TUSC3: variants seen among roughly 807,000 people sequenced by gnomAD.
The protein encoded by TUSC3 is dolichyl-diphosphooligosaccharide--protein glycosyltransferase subunit TUSC3.
A neutral mutation model predicts 44.8 loss-of-function variants in TUSC3; 45 were observed. That is an observed-to-expected ratio of 1.00 (90% CI 0.79 to 1.29). The LOEUF (loss-of-function observed/expected upper bound fraction) is 1.29, where lower values mean the gene tolerates loss of function less well. TUSC3 is among the 50% of genes most tolerant of loss of function. The pLI is 0.00. For missense variants in TUSC3, 519 were observed against 437.9 expected (o/e 1.19, Z -1.65); for synonymous variants, 212 against 152.9 (o/e 1.39, Z -2.85).
chr8:15,844,691 G>A, the TUSC3 span, among the ~76,000 whole-genome samples: 1 of 152,188 alleles, frequency 6.6e-6, no homozygotes, highest in African/African-American at 2.4e-5. Context: ...TCCTAGGACA[G>A]TCATTCTTTA....
At chr8:15,425,741 A>G (rs139870944) in intron 1 of TUSC3, among the ~76,000 whole-genome samples, 1,641 of 152,362 alleles carry the variant, frequency 0.011, 25 homozygotes, top group South Asian at 0.017. Flanking sequence ...TCATGGCTAG[A>G]AATTTCTGCA....
chr8:15,570,950 A>AGTTTTTTTTTTTTT (rs1802849243), intron 1 of TUSC3, among the ~76,000 whole-genome samples: 1 of 30,168 alleles, frequency 3.3e-5, no homozygotes, highest in Non-Finnish European at 1.2e-4. Context: ...TCCATTGCCT[A>AGTTTTTTTTTTTTT]TTAGTTTTTT....
intron 1 of TUSC3, among the ~76,000 whole-genome samples, chr8:15,457,361 A>G (rs1415369551): frequency 6.6e-6 from 1 of 151,868 alleles, no homozygotes; most frequent in Non-Finnish European, 1.5e-5. Context: ...ATAGAAAAGT[A>G]GACTTTTCTG....
chr8:15,458,405 ATTG>A lies in TUSC3; in HGVS notation n.92-24976_92-24974del, dbSNP rs561745823. ...AGGAGCATGCTACCACACTTGGATA[ATTG>A]TTGTACTTTTTGTAGAGATGAGGTT... On this transcript the variant is annotated intron_variant and non_coding_transcript_variant, in intron 1 of 5. Coordinates refer to the TUSC3 transcript ENST00000503191. Among the ~76,000 whole-genome samples the A allele has an allele frequency of 6.7e-3, 1,017 of 152,118 alleles. 10 individuals carry two copies. Among genetic ancestry groups the A allele is most frequent in the South Asian group, 0.034 (166 of 4,824 alleles).
intron 6 of TUSC3, among the ~76,000 whole-genome samples, chr8:15,710,911 A>G (rs559007916): frequency 6.7e-6 from 1 of 149,988 alleles, no homozygotes; most frequent in East Asian, 2.0e-4. Flanking sequence ...AACCAGCACC[A>G]AATCAAGAAG....
intron 1 of TUSC3, among the ~76,000 whole-genome samples, chr8:15,467,153 T>A (rs1800425045): frequency 4.6e-5 from 7 of 151,964 alleles, no homozygotes; most frequent in Admixed American, 4.6e-4. Flanking sequence ...AAACCTGTGA[T>A]TAAAAGACAA....
intron 3 of TUSC3, among the ~76,000 whole-genome samples, chr8:15,656,553 T>C (rs1480637143): frequency 6.6e-6 from 1 of 152,182 alleles, no homozygotes; most frequent in Admixed American, 6.5e-5. Flanking sequence ...CTGGGCACAC[T>C]GGGGCAAAGG....
chr8:15,500,712 A>C (rs1309635213), intron 2 of TUSC3, among the ~76,000 whole-genome samples: 3 of 152,250 alleles, frequency 2.0e-5, no homozygotes, highest in Non-Finnish European at 4.4e-5. Context: ...TTATTAATCT[A>C]CAAAGAGAAA....
intron 7 of TUSC3, among the ~76,000 whole-genome samples, chr8:15,736,588 CTT>C (rs773207467): frequency 7.2e-5 from 11 of 152,214 alleles, no homozygotes; most frequent in African/African-American, 2.6e-4. Flanking sequence ...ACTAAATACA[CTT>C]ATAAATATGG....
At chr8:15,615,045 G>C (rs781495610) in intron 1 of TUSC3, among the ~76,000 whole-genome samples, 15 of 151,470 alleles carry the variant, frequency 9.9e-5, no homozygotes, top group Admixed American at 3.3e-4. Context: ...ATGGAAAACA[G>C]TATAGAGATT....
the TUSC3 span, among the ~76,000 whole-genome samples, chr8:15,774,577 C>T: frequency 1.3e-5 from 2 of 152,112 alleles, no homozygotes; most frequent in African/African-American, 4.8e-5. Context: ...TTTTAGTCTC[C>T]AGAACATTAA....
intron 1 of TUSC3, among the ~76,000 whole-genome samples, chr8:15,476,081 G>A (rs1585058577): frequency 1.3e-5 from 2 of 152,058 alleles, no homozygotes; most frequent in South Asian, 4.1e-4. Flanking sequence ...TCTGAATAAC[G>A]TGAACTTTTT....
chr8:15,784,529 T>C, the TUSC3 span, among the ~76,000 whole-genome samples: 9 of 151,932 alleles, frequency 5.9e-5, no homozygotes, highest in Admixed American at 5.9e-4. Flanking sequence ...TATATATATA[T>C]ACATATGTGT....
chr8:15,812,964 T>C, the TUSC3 span, among the ~76,000 whole-genome samples: 1 of 151,920 alleles, frequency 6.6e-6, no homozygotes, highest in Non-Finnish European at 1.5e-5. Flanking sequence ...CGTGGTGGCA[T>C]GTGACTGTAG....
Position 15,738,827 on chromosome 8 carries a change from C to CTTTTTTTTTTCTTTATTTT in TUSC3, c.863-4701_863-4700insCTTTATTTTTTTTTTTTTT, listed in dbSNP as rs1373248681. ...ACAAAATTACTATTAATATATCTTG[C>CTTTTTTTTTTCTTTATTTT]TTTTTTTTTTTTTTTTTTTTTTTGA... On this transcript the variant is annotated intron_variant, in intron 7 of 10. Coordinates refer to ENST00000503731, the MANE Select transcript of TUSC3 (RefSeq NM_006765.4). Among the ~76,000 whole-genome samples the CTTTTTTTTTTCTTTATTTT allele has an allele frequency of 3.4e-5, 3 of 87,202 alleles. 1 individual carries two copies. The highest frequency in any genetic ancestry group is 6.3e-5 in the Non-Finnish European group (3 of 47,618). 57.2% of individuals were successfully genotyped at this position (87,202 alleles called of 152,430 possible). A position where few individuals can be genotyped will look rare whatever the true frequency, so the allele number is the denominator to read the frequency against.
intron 1 of TUSC3, among the ~76,000 whole-genome samples, chr8:15,593,077 G>C (rs770295763): frequency 1.3e-5 from 2 of 152,024 alleles, no homozygotes; most frequent in African/African-American, 4.8e-5. Context: ...ATATATTAAT[G>C]TGCTTTTTAA....
intron 1 of TUSC3, chr8:15,561,714 T>G (rs1418800213): frequency 6.7e-6 from 1 of 149,010 alleles, no homozygotes; most frequent in Non-Finnish European, 1.5e-5. Context: ...TGGTGCGCCG[T>G]TTTTTAAGCC....
At position 15,695,728 on chromosome 8, in the gene TUSC3, A is replaced by C. The variant is rs148149323; in HGVS notation, c.798+21892A>C. ...TGATATGAACAATGAAATCCAGACTAAGGTGGTCTCAGATGGAGATGAGGA... is the reference window on the plus strand; with the variant it reads ...TGATATGAACAATGAAATCCAGACTCAGGTGGTCTCAGATGGAGATGAGGA... On this transcript the variant is annotated intron_variant, in intron 6 of 10. Transcript: ENST00000503731. Among the ~76,000 whole-genome samples, 630 of 152,304 alleles carry C rather than the reference A, an allele frequency of 4.1e-3. 5 individuals are homozygous for C. The highest frequency in any genetic ancestry group is 0.014 in the African/African-American group (596 of 41,550).
chr8:15,533,846 CCAGT>C (rs1801483255), intron 2 of TUSC3, among the ~76,000 whole-genome samples: 1 of 152,050 alleles, frequency 6.6e-6, no homozygotes, highest in Non-Finnish European at 1.5e-5. Flanking sequence ...TGACATCTCT[CCAGT>C]CAGTGGGGAG....
Sources: allele counts gnomAD v4.1 joint callset (sites outside exome capture counted in the v4.1 genomes callset), GRCh38; gene constraint gnomAD v4.1.1; transcripts MANE v1.5; gene names NCBI Gene and HGNC (gene_info 2026-07-23, HGNC 2026-07-21).